MAML2: variants seen among roughly 807,000 people sequenced by gnomAD.
The protein encoded by MAML2 is mastermind like transcriptional coactivator 2, also known as mastermind-like protein 2.
A neutral mutation model predicts 96.1 loss-of-function variants in MAML2; 22 were observed. That is an observed-to-expected ratio of 0.23 (90% CI 0.16 to 0.33). The LOEUF (loss-of-function observed/expected upper bound fraction) is 0.33. MAML2 is among the 10% of genes least tolerant of loss of function. The probability of loss-of-function intolerance (pLI) is 1.00; values close to 1 mark genes in which losing one functional copy is unlikely to be tolerated. For missense variants in MAML2, 1,367 were observed against 1,392.4 expected, an observed-to-expected ratio of 0.98 and a Z score of 0.29; for synonymous variants, 561 against 521.3, an observed-to-expected ratio of 1.08 and a Z score of -1.04.
chr11:96,138,623 G>T (rs1417744252), intron 1 of MAML2, among the ~76,000 whole-genome samples: 1 of 152,006 alleles, frequency 6.6e-6, no homozygotes, highest in Non-Finnish European at 1.5e-5. Context: ...TAAGAAAGAT[G>T]GGGGGGTTGG....
chr11:96,131,073 T>C (rs1860541414), intron 1 of MAML2, among the ~76,000 whole-genome samples: 1 of 152,132 alleles, frequency 6.6e-6, no homozygotes, highest in African/African-American at 2.4e-5. Context: ...GTCTGAGAAC[T>C]ACCTCAAAAT....
At chr11:96,183,056 C>T (rs1220595372) in intron 1 of MAML2, among the ~76,000 whole-genome samples, 1 of 149,382 alleles carries the variant, frequency 6.7e-6, no homozygotes, top group Non-Finnish European at 1.5e-5. Flanking sequence ...CTCCCAGGTT[C>T]AAGTGATTCT....
At chr11:96,214,828 T>C (rs1267250663) in intron 1 of MAML2, among the ~76,000 whole-genome samples, 1 of 152,224 alleles carries the variant, frequency 6.6e-6, no homozygotes, top group Non-Finnish European at 1.5e-5. Flanking sequence ...AGTTCTTAAT[T>C]GCATCCATTT....
intron 2 of MAML2, among the ~76,000 whole-genome samples, chr11:95,992,570 A>C (rs73519283): frequency 6.6e-6 from 1 of 152,220 alleles, no homozygotes; most frequent in Non-Finnish European, 1.5e-5. Flanking sequence ...TAGGGTTACA[A>C]GAAGACTAGA....
At chr11:96,078,760 G>A (rs1370126502) in intron 2 of MAML2, among the ~76,000 whole-genome samples, 2 of 152,230 alleles carry the variant, frequency 1.3e-5, no homozygotes, top group African/African-American at 4.8e-5. Context: ...CAATGGTACT[G>A]TTGGTGCTTG....
At chr11:96,138,077 A>G (rs891180615) in intron 1 of MAML2, among the ~76,000 whole-genome samples, 2 of 152,226 alleles carry the variant, frequency 1.3e-5, no homozygotes, top group African/African-American at 4.8e-5. Context: ...GGCCAAAAGA[A>G]GTCCTTCACA....
intron 1 of MAML2, among the ~76,000 whole-genome samples, chr11:96,154,471 A>G (rs1860978683): frequency 6.6e-6 from 1 of 152,254 alleles, no homozygotes; most frequent in African/African-American, 2.4e-5. Flanking sequence ...TGCAGCTTTT[A>G]TCTGCATATC....
chr11:96,236,659 G>A (rs1050736014), intron 1 of MAML2, among the ~76,000 whole-genome samples: 8 of 152,152 alleles, frequency 5.3e-5, no homozygotes, highest in South Asian at 2.1e-4. Flanking sequence ...AAATGAAGCC[G>A]CTTGAGAGTT....
At chr11:96,255,888 T>G (rs1293525783) in intron 1 of MAML2, among the ~76,000 whole-genome samples, 3 of 126,146 alleles carry the variant, frequency 2.4e-5, no homozygotes, top group Non-Finnish European at 5.4e-5. Flanking sequence ...TTTTTTTTTT[T>G]TTGAGACAGA....
At chr11:96,322,122 T>C (rs1203275173) in intron 1 of MAML2, among the ~76,000 whole-genome samples, 2 of 152,278 alleles carry the variant, frequency 1.3e-5, no homozygotes, top group Non-Finnish European at 2.9e-5. Context: ...ATATGAACTC[T>C]AGCAGCCTGG....
At chr11:96,178,336 A>G (rs987126947) in intron 1 of MAML2, among the ~76,000 whole-genome samples, 3 of 152,082 alleles carry the variant, frequency 2.0e-5, no homozygotes, top group African/African-American at 7.2e-5. Context: ...GTGGAGAGAG[A>G]GCAGGCGCAC....
intron 1 of MAML2, among the ~76,000 whole-genome samples, chr11:96,256,401 G>A (rs1326717353): frequency 6.6e-6 from 1 of 152,026 alleles, no homozygotes; most frequent in Non-Finnish European, 1.5e-5. Context: ...TTCCTCAAAC[G>A]ACCACATTTC....
At chr11:96,316,249 C>A (rs1362939345) in intron 1 of MAML2, among the ~76,000 whole-genome samples, 1 of 152,164 alleles carries the variant, frequency 6.6e-6, no homozygotes, top group East Asian at 1.9e-4. Flanking sequence ...CCAGTATACC[C>A]AAGCACTCTG....
chr11:96,116,695 A>C (rs955480105), intron 1 of MAML2, among the ~76,000 whole-genome samples: 1 of 152,340 alleles, frequency 6.6e-6, no homozygotes, highest in Non-Finnish European at 1.5e-5. Flanking sequence ...AAACAAGTGG[A>C]TTCCTTTAGC....
chr11:96,222,682 C>T (rs1165601444), intron 1 of MAML2, among the ~76,000 whole-genome samples: 2 of 152,168 alleles, frequency 1.3e-5, no homozygotes, highest in African/African-American at 2.4e-5. Context: ...CCTTGATAAC[C>T]CCAAAAGTTG....
At chr11:96,042,651 GC>G (rs1858834067) in intron 2 of MAML2, among the ~76,000 whole-genome samples, 1 of 151,502 alleles carries the variant, frequency 6.6e-6, no homozygotes, top group South Asian at 2.1e-4. Flanking sequence ...TCCCCATGAA[GC>G]CTTTTCTCCA....
chr11:96,063,632 T>C (rs1341075038), intron 2 of MAML2, among the ~76,000 whole-genome samples: 1 of 152,164 alleles, frequency 6.6e-6, no homozygotes, highest in Non-Finnish European at 1.5e-5. Flanking sequence ...CAATCAAATC[T>C]TAGAGAGGTT....
chr11:96,046,071 CAG>C (rs1858896275), intron 2 of MAML2, among the ~76,000 whole-genome samples: 1 of 152,112 alleles, frequency 6.6e-6, no homozygotes, highest in Non-Finnish European at 1.5e-5. Flanking sequence ...CCTGCCATGC[CAG>C]CAGGCAGCGC....
chr11:96,273,807 A>G (rs906439728), intron 1 of MAML2, among the ~76,000 whole-genome samples: 1 of 152,178 alleles, frequency 6.6e-6, no homozygotes, highest in Non-Finnish European at 1.5e-5. Flanking sequence ...CAGCCTCCAT[A>G]TCAAATTTGT....
Sources: allele counts gnomAD v4.1 joint callset (sites outside exome capture counted in the v4.1 genomes callset), GRCh38; gene constraint gnomAD v4.1.1; transcripts MANE v1.5; gene names NCBI Gene and HGNC (gene_info 2026-07-23, HGNC 2026-07-21).